GRM7: variants seen among roughly 807,000 people sequenced by gnomAD.
GRM7 encodes metabotropic glutamate receptor 7.
In GRM7, 35 loss-of-function variants were observed where a neutral mutation model predicts 84.5. That is an observed-to-expected ratio of 0.41 (90% CI 0.32 to 0.55). The LOEUF is 0.55. Ranked by LOEUF, GRM7 falls within the 20% of genes least tolerant of loss-of-function variation. The probability of loss-of-function intolerance (pLI) is 0.19; values close to 1 mark genes in which losing one functional copy is unlikely to be tolerated. For missense variants in GRM7, 1,003 were observed against 1,194.6 expected (o/e 0.84, Z 2.36); for synonymous variants, 487 against 455.1 (o/e 1.07, Z -0.89).
At position 7,680,283 on chromosome 3, in the gene GRM7, G is replaced by A. The variant is rs781301094; in HGVS notation, c.2686G>A (p.Val896Ile). The change falls in exon 9 of 10, where the codon GTA becomes ATA. Residue 896 changes from valine (V) to isoleucine (I), a missense_variant. By Grantham distance (29) the Val-to-Ile change is conservative. This residue lies in a region of GRM7 where 910 missense variants were observed against 1,126.0 expected (regional missense o/e 0.81). Coordinates refer to ENST00000357716, the MANE Select transcript of GRM7 (RefSeq NM_000844.4). ...GEAKTELCEN[V>I]DPNSPAAKKK... ...GGCAAAGACCGAGCTCTGTGAAAAC[G>A]TAGACCCAAACAGTAAGTAACTCTC... 11 of 1,614,116 alleles carry A rather than the reference G, an allele frequency of 6.8e-6. No individual in the cohort carries two copies. Among genetic ancestry groups the A allele is most frequent in the African/African-American group, 2.7e-5 (2 of 75,050 alleles).
chr3:7,048,669 C>T (rs916763350), intron 1 of GRM7, among the ~76,000 whole-genome samples: 3 of 151,802 alleles, frequency 2.0e-5, no homozygotes, highest in Admixed American at 1.3e-4. Flanking sequence ...CACATATATG[C>T]ATTGTGGAAT....
At chr3:7,441,918 T>C (rs965963686) in intron 5 of GRM7, among the ~76,000 whole-genome samples, 2 of 152,194 alleles carry the variant, frequency 1.3e-5, no homozygotes, top group Non-Finnish European at 2.9e-5. Context: ...ATATAATGCC[T>C]TCAGTTTTGT....
chr3:7,692,998 A>G (rs1209025255), intron 9 of GRM7, among the ~76,000 whole-genome samples: 2 of 146,992 alleles, frequency 1.4e-5, no homozygotes, highest in African/African-American at 5.0e-5. Context: ...TTTCTTTTCG[A>G]TATTGCAAAG....
intron 9 of GRM7, among the ~76,000 whole-genome samples, chr3:7,729,854 T>C (rs162207): frequency 0.74 from 106,752 of 144,412 alleles, 39,820 homozygotes; most frequent in East Asian, 0.91. Flanking sequence ...TACAGGTGCA[T>C]GCCACCACCT....
chr3:6,959,176 T>G (rs1305734346), intron 1 of GRM7, among the ~76,000 whole-genome samples: 1 of 152,154 alleles, frequency 6.6e-6, no homozygotes, highest in Non-Finnish European at 1.5e-5. Flanking sequence ...CCCTATGAAG[T>G]AGGTATTGAT....
intron 5 of GRM7, among the ~76,000 whole-genome samples, chr3:7,433,946 G>A (rs1415151534): frequency 2.0e-5 from 3 of 151,926 alleles, no homozygotes; most frequent in African/African-American, 4.8e-5. Context: ...TCTTAATATT[G>A]GAGACTTTAA....
chr3:6,967,585 A>G (rs1025751922), intron 1 of GRM7, among the ~76,000 whole-genome samples: 3 of 152,240 alleles, frequency 2.0e-5, no homozygotes, highest in Non-Finnish European at 4.4e-5. Context: ...TATGTAATAT[A>G]CATCATAAAT....
chr3:7,207,386 G>A (rs1575031828), intron 2 of GRM7, among the ~76,000 whole-genome samples: 1 of 152,186 alleles, frequency 6.6e-6, no homozygotes, highest in Admixed American at 6.5e-5. Flanking sequence ...AAGTGTTTCT[G>A]TGAAATATGC....
At chr3:7,218,334 A>T (rs1244253216) in intron 2 of GRM7, among the ~76,000 whole-genome samples, 1 of 152,122 alleles carries the variant, frequency 6.6e-6, no homozygotes, top group Non-Finnish European at 1.5e-5. Context: ...GCGTTGCCTT[A>T]ATTTATAGTA....
intron 2 of GRM7, among the ~76,000 whole-genome samples, chr3:7,295,600 C>T (rs764741518): frequency 1.5e-4 from 23 of 152,132 alleles, no homozygotes; most frequent in Non-Finnish European, 8.8e-5. Flanking sequence ...TTTACTTACA[C>T]GTTTAAAAAT....
chr3:7,170,199 G>A (rs1445395563), intron 2 of GRM7, among the ~76,000 whole-genome samples: 1 of 152,124 alleles, frequency 6.6e-6, no homozygotes, highest in African/African-American at 2.4e-5. Context: ...GATTGTTAGG[G>A]CTCTTAATTA....
chr3:7,538,163 G>A (rs2125012585), intron 7 of GRM7, among the ~76,000 whole-genome samples: 2 of 152,268 alleles, frequency 1.3e-5, no homozygotes, highest in Admixed American at 1.3e-4. Context: ...AGGCTGGAGT[G>A]CAATGACACA....
chr3:7,305,437 G>A (rs534066350), intron 3 of GRM7, among the ~76,000 whole-genome samples: 1 of 56,130 alleles, frequency 1.8e-5, no homozygotes. Flanking sequence ...ATGCTGGTGC[G>A]CTGCACCCAC....
chr3:7,611,882 A>C (rs947326599), intron 8 of GRM7, among the ~76,000 whole-genome samples: 1 of 152,224 alleles, frequency 6.6e-6, no homozygotes, highest in African/African-American at 2.4e-5. Context: ...AGAATACAAA[A>C]ATCATACATG....
chr3:7,649,728 A>G (rs1184199061), intron 8 of GRM7, among the ~76,000 whole-genome samples: 1 of 152,166 alleles, frequency 6.6e-6, no homozygotes, highest in Admixed American at 6.5e-5. Context: ...GCTGACTTCA[A>G]CTATTTACCA....
chr3:7,511,939 T>A (rs1421315136), intron 7 of GRM7, among the ~76,000 whole-genome samples: 1 of 152,062 alleles, frequency 6.6e-6, no homozygotes, highest in African/African-American at 2.4e-5. Flanking sequence ...GCCAGTAGTT[T>A]GAGAGAAGCC....
At chr3:7,446,631 T>G (rs1250407435) in intron 5 of GRM7, among the ~76,000 whole-genome samples, 1 of 152,028 alleles carries the variant, frequency 6.6e-6, no homozygotes, top group African/African-American at 2.4e-5. Flanking sequence ...GGCTAATTTT[T>G]GTGTATTTGG....
chr3:7,374,306 C>A (rs1388507972), intron 4 of GRM7, among the ~76,000 whole-genome samples: 1 of 151,904 alleles, frequency 6.6e-6, no homozygotes. Flanking sequence ...TCAGTCTCTA[C>A]TCTAGCTAGA....
At chr3:6,956,701 A>G (rs2125076269) in intron 1 of GRM7, 1 of 453,606 alleles carries the variant, frequency 2.2e-6, no homozygotes, top group African/African-American at 2.0e-5. Context: ...CAAACGCCTG[A>G]AAAAAGGTTT....
Sources: gnomAD v4.1 joint callset for allele counts (sites outside exome capture counted in the v4.1 genomes callset) on GRCh38, gnomAD v4.1.1 for gene constraint, gnomAD v4.1.1 regional missense constraint, MANE v1.5 for transcripts, NCBI Gene and HGNC (gene_info 2026-07-23, HGNC 2026-07-21) for gene names.